The following CNOT2 variants were observed in gnomAD, a reference collection of about 807,000 sequenced individuals.
CNOT2 encodes CC chemokine receptor 4-negative regulator of transcription 2.
A neutral mutation model predicts 72.1 loss-of-function variants in CNOT2; 7 were observed. The observed-to-expected ratio is 0.10, with a 90% CI of 0.06 to 0.18. CNOT2 has a LOEUF of 0.18. CNOT2 is among the 10% of genes least tolerant of loss of function. The pLI, the probability that CNOT2 is intolerant of heterozygous loss-of-function variation, is 1.00. For synonymous variants in CNOT2, 196 were observed against 225.6 expected, an observed-to-expected ratio of 0.87 and a Z score of 1.17; for missense variants, 345 against 660.3, an observed-to-expected ratio of 0.52 and a Z score of 5.23.
At chr12:70,296,256 A>G (rs1393276535) in intron 2 of CNOT2, among the ~76,000 whole-genome samples, 1 of 152,140 alleles carries the variant, frequency 6.6e-6, no homozygotes, top group Non-Finnish European at 1.5e-5. Context: ...AACCTTGGAA[A>G]GGACTCTGCC....
chr12:70,353,599 G>A (rs992720864), intron 15 of CNOT2, among the ~76,000 whole-genome samples: 2 of 151,904 alleles, frequency 1.3e-5, no homozygotes, highest in African/African-American at 4.8e-5. Context: ...GTAGTCTCTT[G>A]ACTTACACAC....
intron 2 of CNOT2, among the ~76,000 whole-genome samples, chr12:70,308,152 A>C (rs980139567): frequency 2.0e-5 from 3 of 152,134 alleles, no homozygotes; most frequent in Non-Finnish European, 4.4e-5. Context: ...TTGCCTGGTC[A>C]GTTACTTCTC....
At chr12:70,282,835 G>T (rs1289909646) in intron 2 of CNOT2, among the ~76,000 whole-genome samples, 2 of 151,948 alleles carry the variant, frequency 1.3e-5, no homozygotes, top group Non-Finnish European at 2.9e-5. Flanking sequence ...GGAAAGTGGT[G>T]CCCCATATTT....
intron 2 of CNOT2, among the ~76,000 whole-genome samples, chr12:70,284,575 C>T: frequency 7.1e-6 from 1 of 140,612 alleles, no homozygotes; most frequent in African/African-American, 2.6e-5. Flanking sequence ...TAAAATTTGA[C>T]CTTTTTTTTT....
intron 11 of CNOT2, among the ~76,000 whole-genome samples, chr12:70,340,842 A>G (rs534358536): frequency 1.6e-4 from 24 of 151,418 alleles, no homozygotes; most frequent in Non-Finnish European, 2.2e-4. Flanking sequence ...CCTCTGCTCA[A>G]CACCCAGTAA....
intron 2 of CNOT2, among the ~76,000 whole-genome samples, chr12:70,283,795 A>G (rs1405859413): frequency 1.3e-5 from 2 of 151,920 alleles, no homozygotes; most frequent in Non-Finnish European, 2.9e-5. Context: ...ATGACTTTTT[A>G]TGTGCCCTTT....
rs1883210489 is a variant in CNOT2 at position 70,354,097 on chromosome 12, T to C, written c.*182T>C. 3 of 1,101,564 alleles carry C rather than the reference T, an allele frequency of 2.7e-6. No individual in the cohort carries two copies. The South Asian group carries it at 8.4e-5, about 31-fold the overall frequency. 68.2% of individuals were successfully genotyped at this position (1,101,564 alleles called of 1,614,324 possible). A position where few individuals can be genotyped will look rare whatever the true frequency, so the allele number is the denominator to read the frequency against. ...AGGTCCTGCCTTACTAATTATGTGC[T>C]GCCCAACAACTAAATTTGTAATTTG... On this transcript the variant is annotated 3_prime_UTR_variant, in exon 16 of 16. Coordinates refer to ENST00000229195, the MANE Select transcript of CNOT2 (RefSeq NM_014515.7).
chr12:70,294,392 G>T (rs573057581), intron 2 of CNOT2: 3 of 695,120 alleles, frequency 4.3e-6, no homozygotes, highest in East Asian at 1.4e-4. Context: ...CATTTTGTTA[G>T]TTTAGAAATA....
chr12:70,298,888 G>T (rs1873299142), intron 2 of CNOT2, among the ~76,000 whole-genome samples: 2 of 152,150 alleles, frequency 1.3e-5, no homozygotes, highest in South Asian at 4.1e-4. Flanking sequence ...AGTCCATGAA[G>T]ATAAATAATT....
intron 2 of CNOT2, among the ~76,000 whole-genome samples, chr12:70,306,088 A>G (rs1875319728): frequency 2.0e-5 from 3 of 151,854 alleles, no homozygotes; most frequent in African/African-American, 7.3e-5. Flanking sequence ...ACTTTCTGAG[A>G]CCAATTCCTT....
intron 3 of CNOT2, among the ~76,000 whole-genome samples, chr12:70,318,084 G>A (rs12309104): frequency 6.6e-6 from 1 of 151,742 alleles, no homozygotes; most frequent in East Asian, 1.9e-4. Flanking sequence ...ACCAGAATGC[G>A]TCTTATTTTT....
chr12:70,278,178 A>T lies in CNOT2; in HGVS notation c.-49A>T. ...CTTCCTGTGACACGACCCTTGAGTGACAGTTCTATTTGATTGCCTCCGGTA... is the reference window on the plus strand; with the variant it reads ...CTTCCTGTGACACGACCCTTGAGTGTCAGTTCTATTTGATTGCCTCCGGTA... On this transcript the variant is annotated 5_prime_UTR_variant, in exon 2 of 16. Transcript: ENST00000229195. 2.1e-6 allele frequency: 3 copies of T among 1,428,814 alleles called. No individual in the cohort carries two copies. The highest frequency in any genetic ancestry group is 2.0e-6 in the Non-Finnish European group (2 of 1,014,560). 88.5% of individuals were successfully genotyped at this position (1,428,814 alleles called of 1,614,324 possible).
intron 2 of CNOT2, among the ~76,000 whole-genome samples, chr12:70,289,745 T>C (rs1415386792): frequency 2.8e-4 from 42 of 152,168 alleles, no homozygotes; most frequent in Admixed American, 2.8e-3. Context: ...CAAAATGTAA[T>C]TATAACTCCT....
chr12:70,271,375 C>CT (rs11285130), intron 1 of CNOT2, among the ~76,000 whole-genome samples: 13,773 of 89,458 alleles, frequency 0.15, 1,028 homozygotes, highest in Admixed American at 0.26. Context: ...ATCACATTTC[C>CT]TTTTTTTTTT....
At chr12:70,253,065 G>C (rs535603633) in intron 1 of CNOT2, among the ~76,000 whole-genome samples, 1 of 152,214 alleles carries the variant, frequency 6.6e-6, no homozygotes, top group African/African-American at 2.4e-5. Flanking sequence ...CTTCTGTGAA[G>C]TAAGATGTGT....
chr12:70,341,847 T>A (rs1296664024), intron 11 of CNOT2: 1 of 384,226 alleles, frequency 2.6e-6, no homozygotes, highest in Non-Finnish European at 4.6e-6. Flanking sequence ...AAATTTTTAA[T>A]CATGTTTTGT....
At position 70,329,562 on chromosome 12, in the gene CNOT2, T is replaced by C; in HGVS notation, c.378T>C (p.Ser126=). 1 of 1,608,114 alleles carries C rather than the reference T, an allele frequency of 6.2e-7. No homozygotes were observed. The highest frequency in any genetic ancestry group is 8.5e-7 in the Non-Finnish European group (1 of 1,175,016). ...CAATGTCACTTCACACGCCTCCATC[T>C]CCAAGCAGGTATTTATTGATGGACC... ...VPTMSLHTPP[S]PSRGILPMNP... Residue 126 remains serine, a synonymous_variant, in exon 5 of 16, where the codon TCT becomes TCC. Coordinates refer to ENST00000229195, the MANE Select transcript of CNOT2 (RefSeq NM_014515.7).
chr12:70,306,268 A>T (rs569148750), intron 2 of CNOT2, among the ~76,000 whole-genome samples: 80 of 152,070 alleles, frequency 5.3e-4, no homozygotes, highest in Non-Finnish European at 9.9e-4. Flanking sequence ...CAGTTCTCCC[A>T]CCTCAGCCTC....
At chr12:70,295,224 GA>G (rs1396772315) in intron 2 of CNOT2, among the ~76,000 whole-genome samples, 4 of 152,136 alleles carry the variant, frequency 2.6e-5, no homozygotes, top group South Asian at 2.1e-4. Flanking sequence ...AGACTCTTAA[GA>G]TGGCCCATGG....
Sources: allele counts gnomAD v4.1 joint callset (sites outside exome capture counted in the v4.1 genomes callset), GRCh38; gene constraint gnomAD v4.1.1; transcripts MANE v1.5; gene names NCBI Gene and HGNC (gene_info 2026-07-23, HGNC 2026-07-21).